Variants in CMTM7 observed in about 807,000 individuals in gnomAD.
The protein encoded by CMTM7 is CKLF like MARVEL transmembrane domain containing 7, also known as CKLF-like MARVEL transmembrane domain-containing protein 7.
In CMTM7, 7 loss-of-function variants were observed where a neutral mutation model predicts 19.3. The ratio of observed to expected loss-of-function variants is 0.36; its 90% CI spans 0.21 to 0.68. CMTM7 has a LOEUF of 0.68. CMTM7 is among the 30% of genes least tolerant of loss of function. The pLI is 0.60. For synonymous variants in CMTM7, 87 were observed against 99.3 expected (o/e 0.88, Z 0.74); for missense variants, 193 against 232.6 (o/e 0.83, Z 1.11).
chr3:32,436,284 C>T (rs1014136890), intron 1 of CMTM7, among the ~76,000 whole-genome samples: 2 of 152,172 alleles, frequency 1.3e-5, no homozygotes, highest in Non-Finnish European at 2.9e-5. Flanking sequence ...GGGCAGGTTT[C>T]TCAGCCAGTG....
intron 1 of CMTM7, among the ~76,000 whole-genome samples, chr3:32,436,828 G>A (rs1575122231): frequency 1.3e-5 from 2 of 152,152 alleles, no homozygotes; most frequent in East Asian, 3.9e-4. Flanking sequence ...CAGGAGACAG[G>A]GTCCTGAGAC....
chr3:32,420,476 A>G (rs1033586164), intron 1 of CMTM7, among the ~76,000 whole-genome samples: 2 of 152,244 alleles, frequency 1.3e-5, no homozygotes, highest in Non-Finnish European at 2.9e-5. Context: ...CTTGGCACTC[A>G]GATGACTCAA....
At chr3:32,414,939 A>G (rs1163663394) in intron 1 of CMTM7, among the ~76,000 whole-genome samples, 2 of 152,248 alleles carry the variant, frequency 1.3e-5, no homozygotes, top group Middle Eastern at 6.8e-3. Context: ...GGCAATGGGA[A>G]TTTGACCCCA....
intron 1 of CMTM7, among the ~76,000 whole-genome samples, chr3:32,397,729 T>C (rs1318648452): frequency 7.8e-6 from 1 of 128,348 alleles, no homozygotes; most frequent in Non-Finnish European, 1.8e-5. Context: ...TGAGACTCTG[T>C]CTCAAAAAAA....
At chr3:32,438,723 C>T (rs1696634553) in intron 1 of CMTM7, among the ~76,000 whole-genome samples, 2 of 152,248 alleles carry the variant, frequency 1.3e-5, no homozygotes. Context: ...CAGAAAGGTT[C>T]GAGATGTTTC....
intron 1 of CMTM7, among the ~76,000 whole-genome samples, chr3:32,412,107 A>G (rs1037409339): frequency 2.0e-5 from 3 of 152,222 alleles, no homozygotes; most frequent in Non-Finnish European, 4.4e-5. Context: ...GGCTTTGCCA[A>G]CATCCGCACC....
chr3:32,443,218 C>G (rs1167582298), intron 2 of CMTM7, among the ~76,000 whole-genome samples: 1 of 152,082 alleles, frequency 6.6e-6, no homozygotes. Context: ...CCCACCTCAG[C>G]CTCCCGAGTA....
At chr3:32,418,802 T>G (rs1452571992) in intron 1 of CMTM7, among the ~76,000 whole-genome samples, 1 of 152,244 alleles carries the variant, frequency 6.6e-6, no homozygotes, top group Admixed American at 6.5e-5. Flanking sequence ...TACTGTAACT[T>G]AATAGTAAAT....
chr3:32,415,661 T>C (rs1174038332), intron 1 of CMTM7, among the ~76,000 whole-genome samples: 1 of 152,248 alleles, frequency 6.6e-6, no homozygotes, highest in Non-Finnish European at 1.5e-5. Context: ...CTGAAGTATT[T>C]AAGCTCTGAG....
At chr3:32,410,278 G>A (rs78918500) in intron 1 of CMTM7, among the ~76,000 whole-genome samples, 7,936 of 152,334 alleles carry the variant, frequency 0.052, 238 homozygotes, top group Middle Eastern at 0.099. Context: ...GAGCTGCAGA[G>A]GGGCAGCCAC....
chr3:32,400,930 C>CT (rs1219384227), intron 1 of CMTM7, among the ~76,000 whole-genome samples: 1 of 152,144 alleles, frequency 6.6e-6, no homozygotes, highest in Non-Finnish European at 1.5e-5. Flanking sequence ...TGGCACTGAC[C>CT]TTTTCCAGAG....
At chr3:32,448,521 C>A (rs563083776) in intron 2 of CMTM7, among the ~76,000 whole-genome samples, 1 of 152,216 alleles carries the variant, frequency 6.6e-6, no homozygotes, top group Non-Finnish European at 1.5e-5. Context: ...GAAGTGGCCC[C>A]CAGCCTCAGT....
intron 1 of CMTM7, among the ~76,000 whole-genome samples, chr3:32,436,698 T>G (rs1696602481): frequency 6.6e-6 from 1 of 152,058 alleles, no homozygotes. Flanking sequence ...AGTCCAGGGC[T>G]TCCAAAAGGA....
intron 1 of CMTM7, among the ~76,000 whole-genome samples, chr3:32,433,954 G>A (rs113046315): frequency 7.9e-5 from 12 of 152,124 alleles, no homozygotes; most frequent in African/African-American, 1.4e-4. Flanking sequence ...TTGGGAGGCC[G>A]AGGCGGGTGA....
At chr3:32,440,364 C>A (rs1696657521) in intron 1 of CMTM7, among the ~76,000 whole-genome samples, 1 of 151,888 alleles carries the variant, frequency 6.6e-6, no homozygotes, top group Non-Finnish European at 1.5e-5. Flanking sequence ...CAAGATCATG[C>A]TACTGCACTC....
intron 1 of CMTM7, among the ~76,000 whole-genome samples, chr3:32,426,639 G>A (rs1279764003): frequency 1.3e-5 from 2 of 151,966 alleles, no homozygotes; most frequent in Non-Finnish European, 2.9e-5. Flanking sequence ...TGGCTACATA[G>A]TATTTTGTCA....
intron 1 of CMTM7, among the ~76,000 whole-genome samples, chr3:32,438,601 C>G (rs995136424): frequency 2.1e-4 from 32 of 152,170 alleles, no homozygotes; most frequent in African/African-American, 7.7e-4. Context: ...ACACCATACT[C>G]TGGCTAAATT....
At chr3:32,444,506 A>C (rs542482126) in intron 2 of CMTM7, among the ~76,000 whole-genome samples, 1 of 152,278 alleles carries the variant, frequency 6.6e-6, no homozygotes, top group African/African-American at 2.4e-5. Flanking sequence ...CCTCCCAATT[A>C]TTCTTCTTTT....
chr3:32,413,417 T>G (rs1437371296), intron 1 of CMTM7, among the ~76,000 whole-genome samples: 6 of 152,224 alleles, frequency 3.9e-5, no homozygotes. Context: ...AATTAGCTGA[T>G]TCATTGATAC....
Sources: allele counts gnomAD v4.1 joint callset (sites outside exome capture counted in the v4.1 genomes callset), GRCh38; gene constraint gnomAD v4.1.1; transcripts MANE v1.5; gene names NCBI Gene and HGNC (gene_info 2026-07-23, HGNC 2026-07-21).